MAST4: variants seen among roughly 807,000 people sequenced by gnomAD.
MAST4 encodes the protein microtubule-associated serine/threonine-protein kinase 4.
A neutral mutation model predicts 162.7 loss-of-function variants in MAST4; 89 were observed. The observed-to-expected ratio is 0.55, with a 90% CI of 0.46 to 0.65. The LOEUF is 0.65. MAST4 is among the 30% of genes least tolerant of loss of function. The pLI is 0.00. For synonymous variants in MAST4, 1,479 were observed against 1,361.1 expected, an observed-to-expected ratio of 1.09 and a Z score of -1.91; for missense variants, 3,153 against 3,374.0, an observed-to-expected ratio of 0.93 and a Z score of 1.62.
At chr5:67,065,382 G>A (rs965726424) in intron 5 of MAST4, among the ~76,000 whole-genome samples, 1 of 152,150 alleles carries the variant, frequency 6.6e-6, no homozygotes, top group Admixed American at 6.5e-5. Context: ...GTTTATCTCT[G>A]AATTTGAGTT....
intron 1 of MAST4, among the ~76,000 whole-genome samples, chr5:66,701,700 G>A (rs1363839023): frequency 1.3e-5 from 2 of 152,288 alleles, no homozygotes; most frequent in African/African-American, 4.8e-5. Flanking sequence ...TAAAAAATAA[G>A]GTCAGGTCCT....
chr5:67,134,475 A>G, intron 17 of MAST4, 48 bp from the exon 18 acceptor site: 1 of 1,554,488 alleles, frequency 6.4e-7, no homozygotes, highest in South Asian at 1.2e-5. Context: ...GCTCATTTTA[A>G]TTCATGTCTA....
At chr5:67,112,873 C>T (rs1305063973) in intron 11 of MAST4, among the ~76,000 whole-genome samples, 5 of 152,104 alleles carry the variant, frequency 3.3e-5, no homozygotes, top group Non-Finnish European at 7.4e-5. Flanking sequence ...AACTCCCAAC[C>T]CTGTCATCAT....
chr5:66,673,558 G>C (rs1244825184), intron 1 of MAST4, among the ~76,000 whole-genome samples: 1 of 118,664 alleles, frequency 8.4e-6, no homozygotes, highest in African/African-American at 3.2e-5. Context: ...ACAGAGTCTT[G>C]CTCTGTCACC....
At chr5:66,963,768 T>C (rs1187910348) in intron 4 of MAST4, 1 of 779,846 alleles carries the variant, frequency 1.3e-6, no homozygotes, top group Non-Finnish European at 2.4e-6. Context: ...TAGTCCTCTC[T>C]TGGCCTTTCA....
In MAST4 at chr5:67,133,607, T is replaced by C. The variant is rs1472019660; in HGVS notation, c.2187T>C (p.Gly729=). ...GCATGACTACCAACCTTTACGAGGGTCATATTGAGAAGGATGCTAGAGAGT... is the reference window on the plus strand; with the variant it reads ...GCATGACTACCAACCTTTACGAGGGCCATATTGAGAAGGATGCTAGAGAGT... ...LMSMTTNLYE[G]HIEKDAREFL... Residue 729 remains glycine, a synonymous_variant, in exon 17 of 29, where the codon GGT becomes GGC. Coordinates refer to ENST00000403625, the MANE Select transcript of MAST4 (RefSeq NM_001164664.2). The C allele has an allele frequency of 6.2e-7, 1 of 1,613,168 alleles. No homozygotes were observed. Among genetic ancestry groups the C allele is most frequent in the East Asian group, 2.2e-5 (1 of 44,880 alleles).
chr5:66,747,151 A>G (rs1256779966), intron 1 of MAST4, among the ~76,000 whole-genome samples: 1 of 150,958 alleles, frequency 6.6e-6, no homozygotes, highest in African/African-American at 2.4e-5. Context: ...TGTGTAGAGA[A>G]AAGGAATTGA....
intron 2 of MAST4, among the ~76,000 whole-genome samples, chr5:66,781,839 T>G (rs182029985): frequency 1.3e-3 from 198 of 152,280 alleles, no homozygotes; most frequent in African/African-American, 4.6e-3. Context: ...AATGGAAGCT[T>G]TCAAATCTAA....
intron 1 of MAST4, among the ~76,000 whole-genome samples, chr5:66,637,781 C>T (rs978588331): frequency 2.0e-5 from 3 of 152,080 alleles, no homozygotes; most frequent in African/African-American, 7.2e-5. Flanking sequence ...TCACAGCTGA[C>T]TTTAACTTTG....
intron 1 of MAST4, among the ~76,000 whole-genome samples, chr5:66,724,690 T>C (rs986037487): frequency 2.6e-5 from 4 of 152,278 alleles, no homozygotes; most frequent in African/African-American, 9.6e-5. Flanking sequence ...AGCTTGTTAC[T>C]GTACTGAATA....
At chr5:67,148,892 G>A (rs1771430469) in intron 23 of MAST4, among the ~76,000 whole-genome samples, 1 of 152,140 alleles carries the variant, frequency 6.6e-6, no homozygotes, top group Non-Finnish European at 1.5e-5. Context: ...AGTCTACAGG[G>A]AGTGATGAAA....
At chr5:66,797,664 G>A (rs917202736) in intron 3 of MAST4, among the ~76,000 whole-genome samples, 4 of 152,176 alleles carry the variant, frequency 2.6e-5, no homozygotes, top group Non-Finnish European at 5.9e-5. Flanking sequence ...ATGCTGGAGA[G>A]TTTGCAGCCA....
chr5:66,694,574 C>T lies in MAST4; in HGVS notation c.364-65135C>T, dbSNP rs558725602. Among the ~76,000 whole-genome samples the T allele has an allele frequency of 2.6e-5, 4 of 152,210 alleles. 1 individual carries two copies. Among genetic ancestry groups the T allele is most frequent in the African/African-American group, 9.6e-5 (4 of 41,536 alleles). Reference sequence around the variant, plus strand: ...CGATCTCGGTTCACTGCAACCTCTACCTCCCAGGTTCAAGTGATTCTCCTG... The same window carrying T: ...CGATCTCGGTTCACTGCAACCTCTATCTCCCAGGTTCAAGTGATTCTCCTG... On this transcript the variant is annotated intron_variant, in intron 1 of 28. Transcript: ENST00000403625.
At chr5:66,805,212 T>C (rs1180485455) in intron 3 of MAST4, among the ~76,000 whole-genome samples, 1 of 152,254 alleles carries the variant, frequency 6.6e-6, no homozygotes, top group Non-Finnish European at 1.5e-5. Context: ...TAGCCAGTTA[T>C]TCCAGCAGTA....
intron 4 of MAST4, among the ~76,000 whole-genome samples, chr5:66,950,991 T>C (rs1188064308): frequency 6.6e-6 from 1 of 152,204 alleles, no homozygotes; most frequent in African/African-American, 2.4e-5. Flanking sequence ...TTCAGTCTCA[T>C]TGCTGTGTAG....
intron 1 of MAST4, among the ~76,000 whole-genome samples, chr5:66,618,034 G>GGGGT (rs1554035639): frequency 4.1e-5 from 5 of 122,952 alleles, no homozygotes; most frequent in Non-Finnish European, 8.7e-5. Context: ...TGGGAGGAAT[G>GGGGT]GGGGGGGGGC....
At chr5:66,656,081 T>C (rs924964854) in intron 1 of MAST4, among the ~76,000 whole-genome samples, 1 of 152,194 alleles carries the variant, frequency 6.6e-6, no homozygotes, top group Non-Finnish European at 1.5e-5. Flanking sequence ...AAGCAGGGCA[T>C]GTGACTTCCT....
chr5:66,991,171 T>A, intron 4 of MAST4, among the ~76,000 whole-genome samples: 1 of 152,222 alleles, frequency 6.6e-6, no homozygotes, highest in East Asian at 1.9e-4. Flanking sequence ...TCTGGTCTAT[T>A]CATTTGTTCA....
intron 4 of MAST4, among the ~76,000 whole-genome samples, chr5:66,947,794 A>C (rs1394318745): frequency 6.6e-6 from 1 of 152,170 alleles, no homozygotes; most frequent in South Asian, 2.1e-4. Context: ...ATTTGAGATC[A>C]TGGGTATATT....
Sources: allele counts gnomAD v4.1 joint callset (sites outside exome capture counted in the v4.1 genomes callset), GRCh38; gene constraint gnomAD v4.1.1; transcripts MANE v1.5; gene names NCBI Gene and HGNC (gene_info 2026-07-23, HGNC 2026-07-21).